RCN1: variants seen among roughly 807,000 people sequenced by gnomAD.
RCN1 encodes the protein reticulocalbin-1.
RCN1 carries 14 observed loss-of-function variants against 34.7 expected under a neutral mutation model. That is an observed-to-expected ratio of 0.40 (90% CI 0.27 to 0.63). The LOEUF is 0.63. RCN1 is among the 30% of genes least tolerant of loss of function. RCN1 has a pLI of 0.37. For missense variants in RCN1, 326 were observed against 425.1 expected, an observed-to-expected ratio of 0.77 and a Z score of 2.05; for synonymous variants, 125 against 165.5, an observed-to-expected ratio of 0.76 and a Z score of 1.88.
At chr11:32,102,672 ACT>A (rs2133477955) in intron 4 of RCN1, 2 of 235,864 alleles carry the variant, frequency 8.5e-6, no homozygotes, top group South Asian at 1.1e-4. Context: ...AGTGGCTAAG[ACT>A]CTGGGTTGAA....
At chr11:32,092,105 C>T (rs550157683) in intron 1 of RCN1, among the ~76,000 whole-genome samples, 4 of 151,692 alleles carry the variant, frequency 2.6e-5, no homozygotes, top group Admixed American at 2.0e-4. Flanking sequence ...GTCAGGAGTT[C>T]GAGACCAGCC....
At position 32,091,236 on chromosome 11, in the gene RCN1, C is replaced by A. The variant is rs745569609; in HGVS notation, c.40C>A (p.Leu14Met). Residue 14 changes from leucine to methionine, a missense_variant, in exon 1 of 6, where the codon CTG (leucine) becomes ATG (methionine). Leu to Met is a conservative substitution (Grantham distance 15, BLOSUM62 2). Coordinates refer to ENST00000054950, the MANE Select transcript of RCN1 (RefSeq NM_002901.4). ...GGRGRRLGLALGLLLALVLAP... is the reference protein window; with the variant it reads ...GGRGRRLGLAMGLLLALVLAP... ...CCGCGGCCGCCGCCTGGGGTTAGCCCTGGGGCTGCTGCTGGCGCTGGTGCT... is the reference window on the plus strand; with the variant it reads ...CCGCGGCCGCCGCCTGGGGTTAGCCATGGGGCTGCTGCTGGCGCTGGTGCT... 1 of 1,527,878 alleles carries A rather than the reference C, an allele frequency of 6.5e-7. No homozygotes were observed. Among genetic ancestry groups the A allele is most frequent in the Non-Finnish European group, 8.8e-7 (1 of 1,138,396 alleles). 94.6% of individuals were successfully genotyped at this position (1,527,878 alleles called of 1,614,324 possible).
At chr11:32,097,538 A>G (rs1237072604) in intron 2 of RCN1, among the ~76,000 whole-genome samples, 2 of 152,066 alleles carry the variant, frequency 1.3e-5, no homozygotes, top group African/African-American at 4.8e-5. Flanking sequence ...GGTGGGAGGG[A>G]AGGGCTGTGA....
Position 32,100,602 on chromosome 11 carries a change from T to C in RCN1, c.682T>C (p.Tyr228His). The C allele has an allele frequency of 6.2e-7, 1 of 1,613,404 alleles. No individual in the cohort carries two copies. The highest frequency in any genetic ancestry group is 1.1e-5 in the South Asian group (1 of 91,038). ...GGATGGGTTTGTGGATCAGGATGAG[T>C]ATATTGGTGAGTACTGACCTAGAGT... ...NGDGFVDQDE[Y>H]IADMFSHEEN... The change falls in exon 4 of 6, where the codon TAT becomes CAT. Residue 228 changes from tyrosine (Y) to histidine (H), a missense_variant. Tyr to His is a moderately conservative substitution (Grantham distance 83). Coordinates refer to ENST00000054950, the MANE Select transcript of RCN1 (RefSeq NM_002901.4).
Position 32,098,969 on chromosome 11 carries a change from C to T in RCN1, c.627+441C>T, listed in dbSNP as rs577263749. 2.0e-5 allele frequency among the ~76,000 whole-genome samples: 3 copies of T among 152,276 alleles called. No homozygotes were observed. The East Asian group carries it at 5.8e-4, about 29-fold the overall frequency. ...ACACATCCCCTTCACGTATGTTCCA[C>T]TGGTCCCTCCTAGATATGAAGAGGC... On this transcript the variant is annotated intron_variant, in intron 3 of 5. Coordinates refer to ENST00000054950, the MANE Select transcript of RCN1 (RefSeq NM_002901.4).
chr11:32,091,451 G>A lies in RCN1; in HGVS notation c.254+1G>A, dbSNP rs943076611. On this transcript the variant is annotated splice_donor_variant, in intron 1 of 5. Transcript: ENST00000054950. LOFTEE classifies it high-confidence loss of function. Reference sequence around the variant, plus strand: ...CGGACGAGAGCAAGGAGAGGCTAGGGTGAGGCCGCGGCCAGGGCCCCGTGG... The same window carrying A: ...CGGACGAGAGCAAGGAGAGGCTAGGATGAGGCCGCGGCCAGGGCCCCGTGG... 23 of 1,542,424 alleles carry A rather than the reference G, an allele frequency of 1.5e-5. No homozygotes were observed. The African/African-American group carries it at 2.8e-4, about 19-fold the overall frequency.
At chr11:32,100,433 G>C (rs1852023186) in intron 3 of RCN1, 115 bp from the exon 4 acceptor site, 3 of 830,644 alleles carry the variant, frequency 3.6e-6, no homozygotes, top group Non-Finnish European at 6.1e-6. Flanking sequence ...AAGGCGATGA[G>C]CCAGAAGTCA....
chr11:32,100,492 C>G, intron 3 of RCN1, 56 bp from the exon 4 acceptor site: 1 of 1,410,024 alleles, frequency 7.1e-7, no homozygotes. Context: ...ATAGAATTCT[C>G]AGACTTCTTA....
Position 32,097,699 on chromosome 11 carries a change from C to A in RCN1, c.448+362C>A, listed in dbSNP as rs111291044. Among the ~76,000 whole-genome samples the A allele has an allele frequency of 1.8e-3, 277 of 152,214 alleles. 1 individual carries two copies. The highest frequency in any genetic ancestry group is 6.1e-3 in the African/African-American group (252 of 41,534). On this transcript the variant is annotated intron_variant, in intron 2 of 5. Coordinates refer to ENST00000054950, the MANE Select transcript of RCN1 (RefSeq NM_002901.4). Reference sequence around the variant, plus strand: ...ATAGCAAGGATTGAGTGGGCCGGAGCAGTCAGGGAAGGCTTCCTGGTGTGG... The same window carrying A: ...ATAGCAAGGATTGAGTGGGCCGGAGAAGTCAGGGAAGGCTTCCTGGTGTGG...
In RCN1 at chr11:32,105,627, CATT is replaced by C. The variant is rs1424398804; in HGVS notation, c.*1158_*1160del. On this transcript the variant is annotated 3_prime_UTR_variant, in exon 6 of 6. Transcript: ENST00000054950. ...CAGTGGGGTTGGATCCCATGAATAA[CATT>C]ATAAAGGTTCTGGGGTTTTTTTTCA... is the stretch of plus-strand genomic sequence containing the variant. 1 of 152,104 alleles carries C rather than the reference CATT, an allele frequency of 6.6e-6. No homozygotes were observed. The highest frequency in any genetic ancestry group is 1.9e-4 in the East Asian group (1 of 5,192). The allele number at this position is 152,104 out of a possible 1,614,324, so 9.4% of individuals were successfully genotyped here. A position where few individuals can be genotyped will look rare whatever the true frequency, so the allele number is the denominator to read the frequency against.
Position 32,091,324 on chromosome 11 carries a change from C to T in RCN1, c.128C>T (p.Ser43Leu), listed in dbSNP as rs1001045520. The change falls in exon 1 of 6, where the codon TCG (serine) becomes TTG (leucine). Residue 43 changes from serine to leucine, a missense_variant. Transcript: ENST00000054950. ...AAAGAGCGCGTGGTGCGGCCCGACTCGGAGCTGGGCGAGCGGCCCCCTGAG... is the reference window on the plus strand; with the variant it reads ...AAAGAGCGCGTGGTGCGGCCCGACTTGGAGCTGGGCGAGCGGCCCCCTGAG... ...VRKERVVRPDSELGERPPEDN... is the reference protein window; with the variant it reads ...VRKERVVRPDLELGERPPEDN... 6.5e-7 allele frequency: 1 copy of T among 1,547,886 alleles called. No individual in the cohort carries two copies. The highest frequency in any genetic ancestry group is 8.7e-7 in the Non-Finnish European group (1 of 1,146,214).
In RCN1 at chr11:32,097,356, G is replaced by T. The variant is rs565061953; in HGVS notation, c.448+19G>T. On this transcript the variant is annotated intron_variant, in intron 2 of 5. Transcript: ENST00000054950. Reference sequence around the variant, plus strand: ...TACCTAGGTAAGAGGTGCTGCAGGAGCGATGACACAGTGGGGGCCCAGATC... The same window carrying T: ...TACCTAGGTAAGAGGTGCTGCAGGATCGATGACACAGTGGGGGCCCAGATC... 1.1e-5 allele frequency: 16 copies of T among 1,510,480 alleles called. 1 individual carries two copies. In the East Asian group the frequency reaches 3.5e-4, roughly 33 times the overall value. 93.6% of individuals were successfully genotyped at this position (1,510,480 alleles called of 1,614,324 possible).
intron 3 of RCN1, among the ~76,000 whole-genome samples, chr11:32,099,225 G>A (rs968606733): frequency 2.0e-5 from 3 of 152,092 alleles, no homozygotes; most frequent in Admixed American, 1.3e-4. Flanking sequence ...GGAGGCTGAG[G>A]CAGGAGAATC....
Position 32,091,542 on chromosome 11 carries a change from A to T in RCN1, c.254+92A>T, listed in dbSNP as rs1851921892. ...ACGCGGGATACCACCGCCAAAGCGA[A>T]AGCGAAATCGCGCGCGCGGCCTCGA... On this transcript the variant is annotated intron_variant, in intron 1 of 5. Coordinates refer to ENST00000054950, the MANE Select transcript of RCN1 (RefSeq NM_002901.4). 4 of 1,464,810 alleles carry T rather than the reference A, an allele frequency of 2.7e-6. No homozygotes were observed. The Admixed American group carries it at 1.1e-4, about 40-fold the overall frequency. 90.7% of individuals were successfully genotyped at this position (1,464,810 alleles called of 1,614,324 possible).
intron 5 of RCN1, 49 bp downstream of exon 5, chr11:32,103,529 T>A: frequency 6.5e-7 from 1 of 1,546,966 alleles, no homozygotes; most frequent in Non-Finnish European, 8.9e-7. Flanking sequence ...ACAGTTTACA[T>A]AAGATCGGTT....
chr11:32,100,398 A>G, intron 3 of RCN1, 150 bp from the exon 4 acceptor site: 2 of 643,044 alleles, frequency 3.1e-6, no homozygotes, highest in Admixed American at 2.6e-5. Flanking sequence ...TTTTTTACAG[A>G]TAAAAAACTA....
chr11:32,099,027 G>C (rs1852005557), intron 3 of RCN1, among the ~76,000 whole-genome samples: 1 of 152,178 alleles, frequency 6.6e-6, no homozygotes, highest in Non-Finnish European at 1.5e-5. Context: ...TGCCTAGAAA[G>C]AGTAAATGGG....
chr11:32,092,494 G>T (rs1040128327), intron 1 of RCN1, among the ~76,000 whole-genome samples: 3 of 151,980 alleles, frequency 2.0e-5, no homozygotes, highest in Non-Finnish European at 4.4e-5. Flanking sequence ...TGTTTGGGGG[G>T]CAAAAAGCTG....
chr11:32,097,386 G>A, intron 2 of RCN1, 49 bp downstream of exon 2: 2 of 1,334,908 alleles, frequency 1.5e-6, no homozygotes, highest in Non-Finnish European at 2.0e-6. Flanking sequence ...CAGATCACAA[G>A]CTTTTTGTAG....
Sources: allele counts gnomAD v4.1 joint callset (sites outside exome capture counted in the v4.1 genomes callset), GRCh38; gene constraint gnomAD v4.1.1; transcripts MANE v1.5; gene names NCBI Gene and HGNC (gene_info 2026-07-23, HGNC 2026-07-21).